RFX4: variants seen among roughly 807,000 people sequenced by gnomAD.
RFX4 encodes regulatory factor X4, also known as transcription factor RFX4.
Under a neutral mutation model 95.0 loss-of-function variants are expected in RFX4, and 10 were observed. The observed-to-expected ratio is 0.11, with a 90% CI of 0.06 to 0.18. The LOEUF is 0.18. Among genes scored for constraint, RFX4 ranks in the 10% least tolerant of loss-of-function variants. The probability of loss-of-function intolerance (pLI) is 1.00; values close to 1 mark genes in which losing one functional copy is unlikely to be tolerated. For synonymous variants in RFX4, 321 were observed against 340.7 expected, an observed-to-expected ratio of 0.94 and a Z score of 0.64; for missense variants, 640 against 922.0, an observed-to-expected ratio of 0.69 and a Z score of 3.96.
chr12:106,625,570 C>T (rs373656246), intron 2 of RFX4, among the ~76,000 whole-genome samples: 3 of 152,086 alleles, frequency 2.0e-5, no homozygotes, highest in Non-Finnish European at 2.9e-5. Context: ...TTAAAAAGTC[C>T]GTGACTGTTG....
rs1046521250 is a variant in RFX4 at position 106,586,144 on chromosome 12, C to G, written c.43+2781C>G. Among the ~76,000 whole-genome samples the G allele has an allele frequency of 6.6e-6, 1 of 152,190 alleles. No homozygotes were observed. Among genetic ancestry groups the G allele is most frequent in the African/African-American group, 2.4e-5 (1 of 41,450 alleles). On this transcript the variant is annotated intron_variant, in intron 1 of 17. Transcript: ENST00000392842. This position sits in a 1 kb window ranked among gnomAD's most constrained non-coding sequence, Gnocchi z 5.6. ...TCTCGGAGGCAAAGCCCCAGCTTGC[C>G]GCGCGCCGCGGTGCTCCGGCAGGAG... is the stretch of plus-strand genomic sequence containing the variant.
At chr12:106,655,619 G>A (rs903203179) in intron 4 of RFX4, among the ~76,000 whole-genome samples, 2 of 152,168 alleles carry the variant, frequency 1.3e-5, no homozygotes, top group Non-Finnish European at 2.9e-5. Flanking sequence ...CAAACCCCTC[G>A]CAGAGGCCAC....
intron 4 of RFX4, among the ~76,000 whole-genome samples, chr12:106,667,316 A>G (rs2041196778): frequency 6.6e-6 from 1 of 152,156 alleles, no homozygotes; most frequent in African/African-American, 2.4e-5. Context: ...AGGCTCTGAT[A>G]ATACCCCAGC....
At chr12:106,615,204 C>T (rs1037812116) in intron 2 of RFX4, among the ~76,000 whole-genome samples, 9 of 151,962 alleles carry the variant, frequency 5.9e-5, no homozygotes, top group African/African-American at 2.2e-4. Context: ...TATTAATTTT[C>T]AACTGATAGA....
intron 1 of RFX4, among the ~76,000 whole-genome samples, chr12:106,608,339 C>T (rs546017906): frequency 1.3e-5 from 2 of 152,198 alleles, no homozygotes; most frequent in Non-Finnish European, 2.9e-5. Flanking sequence ...CAACCAGAGT[C>T]CCTAAAGTTT....
intron 2 of RFX4, among the ~76,000 whole-genome samples, chr12:106,618,387 C>T (rs190201394): frequency 1.6e-3 from 245 of 151,998 alleles, no homozygotes; most frequent in African/African-American, 5.4e-3. Flanking sequence ...TTATGGCTAT[C>T]GATATTTTTA....
chr12:106,751,218 A>G (rs940063954), intron 17 of RFX4, among the ~76,000 whole-genome samples: 2 of 151,538 alleles, frequency 1.3e-5, no homozygotes, highest in Non-Finnish European at 2.9e-5. Context: ...TAATTTACTG[A>G]GAATGATGAT....
chr12:106,731,420 G>T (rs2042609579), intron 13 of RFX4, among the ~76,000 whole-genome samples: 1 of 152,196 alleles, frequency 6.6e-6, no homozygotes, highest in African/African-American at 2.4e-5. Flanking sequence ...ATAAGACTTT[G>T]AGCACAGAGA....
chr12:106,659,750 C>A (rs2041034832), intron 4 of RFX4, among the ~76,000 whole-genome samples: 1 of 152,170 alleles, frequency 6.6e-6, no homozygotes, highest in African/African-American at 2.4e-5. Flanking sequence ...GTTCACACAG[C>A]CAGTAAGTGG....
intron 3 of RFX4, among the ~76,000 whole-genome samples, chr12:106,649,714 A>G (rs2137307695): frequency 6.6e-6 from 1 of 152,320 alleles, no homozygotes; most frequent in South Asian, 2.1e-4. Flanking sequence ...TAAATAAAGT[A>G]ACTTACTTAG....
intron 1 of RFX4, among the ~76,000 whole-genome samples, chr12:106,604,779 C>A (rs930155517): frequency 6.6e-6 from 1 of 152,018 alleles, no homozygotes; most frequent in Non-Finnish European, 1.5e-5. Context: ...CAAAGGCTGA[C>A]AAAGAATATG....
intron 2 of RFX4, among the ~76,000 whole-genome samples, chr12:106,629,851 G>C (rs1312145333): frequency 2.0e-5 from 3 of 152,222 alleles, no homozygotes; most frequent in Non-Finnish European, 2.9e-5. Context: ...CAAAGTGTTG[G>C]GATTATAGGT....
At chr12:106,688,130 C>T (rs924903810) in intron 6 of RFX4, among the ~76,000 whole-genome samples, 31 of 138,006 alleles carry the variant, frequency 2.2e-4, no homozygotes, top group Admixed American at 6.5e-4. Context: ...AGTGCAGTGG[C>T]GCAATCTCAG....
chr12:106,612,948 G>C (rs572760638), intron 2 of RFX4, among the ~76,000 whole-genome samples: 1 of 152,116 alleles, frequency 6.6e-6, no homozygotes, highest in Admixed American at 6.5e-5. Flanking sequence ...TGGCTAGGAC[G>C]TCTAGTACTA....
At chr12:106,630,153 T>C (rs1306560183) in intron 2 of RFX4, among the ~76,000 whole-genome samples, 6 of 152,214 alleles carry the variant, frequency 3.9e-5, no homozygotes, top group Non-Finnish European at 7.3e-5. Context: ...GGAGCTCTTT[T>C]CTATGGTGGG....
chr12:106,632,687 A>C (rs927045178), intron 2 of RFX4, among the ~76,000 whole-genome samples: 1 of 152,030 alleles, frequency 6.6e-6, no homozygotes. Flanking sequence ...TTTTGTTTTA[A>C]TTTTACTTTA....
At chr12:106,599,510 A>T (rs1010965458) in intron 1 of RFX4, among the ~76,000 whole-genome samples, 1 of 149,220 alleles carries the variant, frequency 6.7e-6, no homozygotes, top group Non-Finnish European at 1.5e-5. Context: ...GATGATGATG[A>T]AGGTGATGGT....
intron 10 of RFX4, 88 bp from the exon 11 acceptor site, chr12:106,715,312 G>A (rs1228173010): frequency 5.3e-5 from 77 of 1,442,128 alleles, no homozygotes; most frequent in Non-Finnish European, 6.9e-5. Context: ...AATACCATAA[G>A]CAGATGCATT....
At chr12:106,661,456 G>A (rs747888201) in intron 4 of RFX4, among the ~76,000 whole-genome samples, 25 of 151,972 alleles carry the variant, frequency 1.6e-4, no homozygotes, top group Admixed American at 3.9e-4. Flanking sequence ...CATATACCCC[G>A]TCCCTACACT....
Sources: gnomAD v4.1 joint callset for allele counts (sites outside exome capture counted in the v4.1 genomes callset) on GRCh38, gnomAD v4.1.1 for gene constraint, Gnocchi (gnomAD v3.1) non-coding constraint, MANE v1.5 for transcripts, NCBI Gene and HGNC (gene_info 2026-07-23, HGNC 2026-07-21) for gene names.